WDR88: variants seen among roughly 807,000 people sequenced by gnomAD.
WDR88 encodes WD repeat-containing protein 88.
Under a neutral mutation model 46.8 loss-of-function variants are expected in WDR88, and 40 were observed. That is an observed-to-expected ratio of 0.86 (90% CI 0.66 to 1.11). The LOEUF (loss-of-function observed/expected upper bound fraction) is 1.11, where lower values mean the gene tolerates loss of function less well. WDR88 is among the 50% of genes most tolerant of loss of function. The pLI, the probability that WDR88 is intolerant of heterozygous loss-of-function variation, is 0.00. For missense variants in WDR88, 562 were observed against 602.4 expected, an observed-to-expected ratio of 0.93 and a Z score of 0.70; for synonymous variants, 235 against 240.7, an observed-to-expected ratio of 0.98 and a Z score of 0.22.
intron 7 of WDR88, among the ~76,000 whole-genome samples, chr19:33,157,683 GTATGTA>G (rs1418317315): frequency 0.075 from 479 of 6,396 alleles, 15 homozygotes; most frequent in Middle Eastern, 0.3. Context: ...GTGTGTGTAT[GTATGTA>G]TATATATATA....
chr19:33,143,900 T>A (rs2145375019), intron 2 of WDR88, among the ~76,000 whole-genome samples: 1 of 152,226 alleles, frequency 6.6e-6, no homozygotes, highest in African/African-American at 2.4e-5. Context: ...TATTGTCACA[T>A]CTCCTTTATT....
At chr19:33,174,351 GCAAA>G in intron 10 of WDR88, 2 of 1,455,312 alleles carry the variant, frequency 1.4e-6, no homozygotes, top group Non-Finnish European at 1.8e-6. Flanking sequence ...GGGCAGAACA[GCAAA>G]GCCCAGGGGC....
intron 9 of WDR88, 104 bp downstream of exon 9, chr19:33,164,369 T>C: frequency 9.6e-7 from 1 of 1,038,118 alleles, no homozygotes. Context: ...CGGTGAGCTG[T>C]ACCTGACCGG....
chr19:33,151,910 C>T (rs1461752987), intron 6 of WDR88, among the ~76,000 whole-genome samples: 1 of 150,952 alleles, frequency 6.6e-6, no homozygotes, highest in Non-Finnish European at 1.5e-5. Context: ...TGAATTCAGT[C>T]GTTTTGGAGA....
At chr19:33,167,793 CTCTTTCTT>C (rs959545903) in intron 9 of WDR88, among the ~76,000 whole-genome samples, 2 of 151,546 alleles carry the variant, frequency 1.3e-5, no homozygotes, top group Admixed American at 6.6e-5. Context: ...CTCTCTTTCT[CTCTTTCTT>C]TCTTTCTAGG....
At chr19:33,168,807 A>G (rs953756713) in intron 9 of WDR88, among the ~76,000 whole-genome samples, 1 of 152,182 alleles carries the variant, frequency 6.6e-6, no homozygotes, top group Non-Finnish European at 1.5e-5. Context: ...AAGGAGAAGA[A>G]TAAGAGGGAG....
In WDR88 at chr19:33,156,349, T is replaced by A; in HGVS notation, c.810-6T>A. 1 of 1,613,588 alleles carries A rather than the reference T, an allele frequency of 6.2e-7. No individual in the cohort carries two copies. Among genetic ancestry groups the A allele is most frequent in the Non-Finnish European group, 8.5e-7 (1 of 1,179,784 alleles). On this transcript the variant is annotated splice_region_variant and splice_polypyrimidine_tract_variant and intron_variant, in intron 6 of 10. Coordinates refer to ENST00000355868, the MANE Select transcript of WDR88 (RefSeq NM_173479.4). ...TAATGTGTGCACCCCACCATCTGTGTTTCAGGGCACATTCCAATGCAATCT... is the reference window on the plus strand; with the variant it reads ...TAATGTGTGCACCCCACCATCTGTGATTCAGGGCACATTCCAATGCAATCT...
intron 8 of WDR88, among the ~76,000 whole-genome samples, chr19:33,160,736 C>T (rs1378815617): frequency 6.6e-6 from 1 of 152,144 alleles, no homozygotes; most frequent in African/African-American, 2.4e-5. Flanking sequence ...ATTGCATGGG[C>T]AGAGCTTCCT....
At chr19:33,167,128 C>A (rs1299272591) in intron 9 of WDR88, among the ~76,000 whole-genome samples, 1 of 151,968 alleles carries the variant, frequency 6.6e-6, no homozygotes, top group Non-Finnish European at 1.5e-5. Flanking sequence ...AAATTACAGA[C>A]CAATATCTCA....
chr19:33,148,260 C>T (rs984493306), intron 4 of WDR88, among the ~76,000 whole-genome samples: 1 of 152,032 alleles, frequency 6.6e-6, no homozygotes, highest in African/African-American at 2.4e-5. Flanking sequence ...GGGGCCTCCT[C>T]GGGGTCTCCT....
At chr19:33,151,078 G>A in intron 5 of WDR88, 103 bp from the exon 6 acceptor site, 2 of 1,355,470 alleles carry the variant, frequency 1.5e-6, no homozygotes, top group Non-Finnish European at 2.0e-6. Flanking sequence ...ATGAAAACTG[G>A]AATTGTGTTT....
intron 9 of WDR88, among the ~76,000 whole-genome samples, chr19:33,166,039 C>T (rs918309503): frequency 6.7e-6 from 1 of 150,112 alleles, no homozygotes; most frequent in South Asian, 2.1e-4. Context: ...GTGGGAGGAT[C>T]GCTTAAGTCC....
At chr19:33,138,864 T>C (rs1973332679) in intron 2 of WDR88, among the ~76,000 whole-genome samples, 1 of 151,882 alleles carries the variant, frequency 6.6e-6, no homozygotes, top group Admixed American at 6.6e-5. Context: ...TTATTTTTAG[T>C]AGAGACAGGG....
chr19:33,168,185 G>A (rs1973985399), intron 9 of WDR88, among the ~76,000 whole-genome samples: 1 of 151,972 alleles, frequency 6.6e-6, no homozygotes, highest in Non-Finnish European at 1.5e-5. Flanking sequence ...GTGCCACCAT[G>A]CTCGGCTAAT....
intron 1 of WDR88, among the ~76,000 whole-genome samples, chr19:33,136,371 A>G (rs1261200787): frequency 6.7e-6 from 1 of 149,762 alleles, no homozygotes; most frequent in East Asian, 2.0e-4. Context: ...TTGTATTTTT[A>G]GTAGAGATGG....
At position 33,169,841 on chromosome 19, in the gene WDR88, G is replaced by T. The variant is rs566162554; in HGVS notation, c.1150-2507G>T. ...TTTGCACTATAAATTCACGGTATAG[G>T]CTATATCTATCTAAAATGTGCATTA... On this transcript the variant is annotated intron_variant, in intron 9 of 10. Transcript: ENST00000355868. Among the ~76,000 whole-genome samples, 22 of 152,180 alleles carry T rather than the reference G, an allele frequency of 1.4e-4. No homozygotes were observed. In the South Asian group the frequency reaches 1.5e-3, roughly 10 times the overall value.
intron 9 of WDR88, 95 bp from the exon 10 acceptor site, chr19:33,172,253 C>A: frequency 1.9e-6 from 2 of 1,075,502 alleles, no homozygotes; most frequent in Non-Finnish European, 2.8e-6. Flanking sequence ...CTTTTTGTGC[C>A]TTGACAGCCC....
At position 33,133,186 on chromosome 19, in the gene WDR88, AATAAATAAATAT is replaced by A. The variant is rs879744254; in HGVS notation, c.276+743_276+754del. ...AAATAAATAAATAAATAAATAAATAAATAAATAAATATAGAGAGAGAGAGAGAAAGAAAGAAA... is the reference window on the plus strand; with the variant it reads ...AAATAAATAAATAAATAAATAAATAAAGAGAGAGAGAGAGAAAGAAAGAAA... On this transcript the variant is annotated intron_variant, in intron 1 of 10. Transcript: ENST00000355868. 1.4e-3 allele frequency among the ~76,000 whole-genome samples: 158 copies of A among 112,662 alleles called. 2 individuals carry two copies. The highest frequency in any genetic ancestry group is 2.2e-3 in the Non-Finnish European group (123 of 55,966). 73.9% of individuals were successfully genotyped at this position (112,662 alleles called of 152,430 possible).
intron 2 of WDR88, among the ~76,000 whole-genome samples, chr19:33,138,106 G>T (rs1389713986): frequency 2.0e-5 from 3 of 150,850 alleles, no homozygotes; most frequent in East Asian, 3.9e-4. Flanking sequence ...GCGTGATCTC[G>T]GCTCACTGCA....
Sources: gnomAD v4.1 joint callset for allele counts (sites outside exome capture counted in the v4.1 genomes callset) on GRCh38, gnomAD v4.1.1 for gene constraint, MANE v1.5 for transcripts, NCBI Gene and HGNC (gene_info 2026-07-23, HGNC 2026-07-21) for gene names.